NLGN3: variants seen among roughly 807,000 people sequenced by gnomAD.
NLGN3 encodes neuroligin-3.
In NLGN3, 11 loss-of-function variants were observed where a neutral mutation model predicts 42.9. The ratio of observed to expected loss-of-function variants is 0.26; its 90% CI spans 0.16 to 0.42. The LOEUF (loss-of-function observed/expected upper bound fraction) is 0.42. Ranked by LOEUF, NLGN3 falls within the 10% of genes least tolerant of loss-of-function variation. NLGN3 has a pLI of 1.00. For missense variants in NLGN3, 374 were observed against 733.8 expected (o/e 0.51, Z 5.67); for synonymous variants, 279 against 312.7 (o/e 0.89, Z 1.14).
intron 1 of NLGN3, among the ~76,000 whole-genome samples, chrX:71,146,519 T>TG (rs2092371270): frequency 2.7e-5 from 3 of 111,514 alleles, no homozygotes; most frequent in African/African-American, 9.8e-5. Context: ...ACCATTATGC[T>TG]GCATGTGTCT....
In NLGN3 at chrX:71,155,220, G is replaced by T. The variant is rs190164205; in HGVS notation, c.584G>T (p.Arg195Leu). 1 of 1,210,415 alleles carries T rather than the reference G, an allele frequency of 8.3e-7. No homozygotes were observed. Among genetic ancestry groups the T allele is most frequent in the South Asian group, 1.8e-5 (1 of 56,843 alleles). ...TCACCCCTTCTCCTTGCAGACATCC[G>T]GGACAGTGGTGCTAAACCCGTCATG... ...DNDGDEDEDI[R>L]DSGAKPVMVY... Residue 195 changes from arginine to leucine, a missense_variant, in exon 5 of 8, where the codon CGG becomes CTG. By Grantham distance (102) the Arg-to-Leu change is moderately radical. This residue lies in a region of NLGN3 where 109 missense variants were observed against 173.3 expected (regional missense o/e 0.63). Transcript: ENST00000358741.
downstream of NLGN3, among the ~76,000 whole-genome samples, chrX:71,173,309 CAGTG>C (rs1311269045): frequency 9.0e-6 from 1 of 110,907 alleles, no homozygotes; most frequent in Admixed American, 9.6e-5. Context: ...AGGGACCCAT[CAGTG>C]AGAGATTACA....
At chrX:71,154,917 C>T (rs781434308) in intron 4 of NLGN3, among the ~76,000 whole-genome samples, 20 of 112,698 alleles carry the variant, frequency 1.8e-4, no homozygotes, top group Middle Eastern at 9.2e-3. Flanking sequence ...TTTCTGCTGC[C>T]CCCCGCCCCC....
rs2092459998 is a variant in NLGN3 at position 71,168,870 on chromosome X, AGAAAGAAAAGAAAGAG to A, written c.1704-383_1704-368del. On this transcript the variant is annotated intron_variant, in intron 7 of 7. Coordinates refer to ENST00000358741, the MANE Select transcript of NLGN3 (RefSeq NM_181303.2). ...GAAAGAAAGAAAGAAAGAAAGAAAG[AGAAAGAAAAGAAAGAG>A]AAAGAAAGAAAGAAAGAAAAAGAGA... 5.3e-5 allele frequency among the ~76,000 whole-genome samples: 3 copies of A among 56,971 alleles called. No homozygotes were observed. In the African/African-American group the frequency reaches 5.6e-4, roughly 11 times the overall value. The allele number at this position is 56,971 out of a possible 115,157, so 49.5% of individuals were successfully genotyped here. A position where few individuals can be genotyped will look rare whatever the true frequency, so the allele number is the denominator to read the frequency against.
In NLGN3 at chrX:71,147,734, TC is replaced by T; in HGVS notation, c.-11del. 1 of 1,194,371 alleles carries T rather than the reference TC, an allele frequency of 8.4e-7. No homozygotes were observed. The highest frequency in any genetic ancestry group is 1.1e-6 in the Non-Finnish European group (1 of 885,073). ...CCCTGGAGTCTGCCTCTCCTGCCAG[TC>T]CCCCTGCCCGGAACATGTGGCTGCG... On this transcript the variant is annotated 5_prime_UTR_variant, in exon 2 of 8. Transcript: ENST00000358741.
rs749524352 is a variant in NLGN3, at chrX:71,146,572, GTCTC to G, written c.-200-976_-200-973del. Among the ~76,000 whole-genome samples, 7 of 111,633 alleles carry G rather than the reference GTCTC, an allele frequency of 6.3e-5. No individual in the cohort carries two copies. In the South Asian group the frequency reaches 2.3e-3, roughly 36 times the overall value. On this transcript the variant is annotated intron_variant, in intron 1 of 7. Transcript: ENST00000358741. ...GGTATGTGTGATTATATTTCAGTAA[GTCTC>G]TATGTGTGTCTCTGAATGTATCATT...
chrX:71,158,295 G>C (rs2092417059), intron 5 of NLGN3, among the ~76,000 whole-genome samples: 1 of 111,131 alleles, frequency 9.0e-6, no homozygotes, highest in African/African-American at 3.3e-5. Flanking sequence ...ATGTTGGCCA[G>C]GCTGGTCTGG....
intron 5 of NLGN3, among the ~76,000 whole-genome samples, chrX:71,156,365 C>T (rs2092409019): frequency 9.1e-6 from 1 of 109,928 alleles, no homozygotes; most frequent in South Asian, 3.9e-4. Context: ...CACACATATA[C>T]TCTTACCTGT....
rs1429821740 is a variant in NLGN3, at chrX:71,167,154, C to T, written c.1057C>T (p.Arg353Trp). 1 of 1,211,796 alleles carries T rather than the reference C, an allele frequency of 8.3e-7. No individual in the cohort carries two copies. Among genetic ancestry groups the T allele is most frequent in the Non-Finnish European group, 1.1e-6 (1 of 895,521 alleles). Residue 353 changes from arginine to tryptophan, a missense_variant, in exon 7 of 8, where the codon CGG becomes TGG. Transcript: ENST00000358741. ...CACCGTGGATATGGTGGACTGTCTT[C>T]GGCAAAAGAGTGCCAAGGAGCTGGT... ...LDTVDMVDCL[R>W]QKSAKELVEQ...
intron 5 of NLGN3, among the ~76,000 whole-genome samples, chrX:71,162,944 C>T (rs963458208): frequency 1.8e-5 from 2 of 111,809 alleles, no homozygotes; most frequent in African/African-American, 6.5e-5. Context: ...CACAATTACC[C>T]ACCTCCAAAG....
chrX:71,149,321 C>T, intron 3 of NLGN3, among the ~76,000 whole-genome samples: 1 of 110,463 alleles, frequency 9.1e-6, no homozygotes, highest in East Asian at 2.9e-4. Context: ...TCAATTTTCC[C>T]ACCCTGAAGC....
At chrX:71,165,166 C>T (rs1177332400) in intron 6 of NLGN3, among the ~76,000 whole-genome samples, 1 of 111,786 alleles carries the variant, frequency 8.9e-6, no homozygotes, top group African/African-American at 3.3e-5. Context: ...GACATTCTCA[C>T]AGGAAGACTT....
At chrX:71,157,270 G>A (rs2092412604) in intron 5 of NLGN3, among the ~76,000 whole-genome samples, 1 of 106,114 alleles carries the variant, frequency 9.4e-6, no homozygotes, top group Non-Finnish European at 1.9e-5. Context: ...CCACCTCAAG[G>A]GCCTTATTTT....
At chrX:71,146,149 T>TCACA (rs1483489070) in intron 1 of NLGN3, among the ~76,000 whole-genome samples, 12 of 35,812 alleles carry the variant, frequency 3.4e-4, no homozygotes, top group Middle Eastern at 0.015. Context: ...TCTCTCTCTC[T>TCACA]CTCTCACACA....
chrX:71,147,564 G>C lies in NLGN3; in HGVS notation c.-186G>C. The C allele has an allele frequency of 2.1e-6, 1 of 476,106 alleles. No homozygotes were observed. Among genetic ancestry groups the C allele is most frequent in the East Asian group, 3.7e-5 (1 of 27,385 alleles). The allele number at this position is 476,106 out of a possible 1,213,427, so 39.2% of individuals were successfully genotyped here. A position where few individuals can be genotyped will look rare whatever the true frequency, so the allele number is the denominator to read the frequency against. Reference sequence around the variant, plus strand: ...TCTTTCCACAGGCCTGTCTGGCCCTGAGGGAGTCCCCTTTCTGAAGCTGTG... The same window carrying C: ...TCTTTCCACAGGCCTGTCTGGCCCTCAGGGAGTCCCCTTTCTGAAGCTGTG... On this transcript the variant is annotated 5_prime_UTR_variant, in exon 2 of 8. The change abolishes the stop of an existing upstream ORF in the 5' untranslated region. Coordinates refer to ENST00000358741, the MANE Select transcript of NLGN3 (RefSeq NM_181303.2).
At chrX:71,166,380 T>C (rs2092447232) in intron 6 of NLGN3, among the ~76,000 whole-genome samples, 2 of 107,511 alleles carry the variant, frequency 1.9e-5, no homozygotes, top group Non-Finnish European at 3.9e-5. Flanking sequence ...CGCTTGAACC[T>C]GGGAGGCAGA....
Position 71,170,024 on chromosome X carries a change from A to G in NLGN3, c.2474A>G (p.His825Arg). The G allele has an allele frequency of 8.3e-7, 1 of 1,209,505 alleles. No homozygotes were observed. The highest frequency in any genetic ancestry group is 1.8e-5 in the South Asian group (1 of 56,728). The part of the protein sequence containing the change: ...PNSLVGLQTL[H>R]PYNTFAAGFN... Reference sequence around the variant, plus strand: ...TCCCTGGTAGGGCTGCAGACATTGCACCCCTATAACACCTTTGCCGCAGGG... The same window carrying G: ...TCCCTGGTAGGGCTGCAGACATTGCGCCCCTATAACACCTTTGCCGCAGGG... Residue 825 changes from histidine to arginine, a missense_variant, in exon 8 of 8, where the codon CAC becomes CGC. Physicochemically the swap from His to Arg is conservative, Grantham distance 29. Coordinates refer to ENST00000358741, the MANE Select transcript of NLGN3 (RefSeq NM_181303.2).
rs1405079457 is a variant in NLGN3 at position 71,170,926 on chromosome X, T to C, written c.*829T>C. 7.9e-6 allele frequency: 6 copies of C among 754,938 alleles called. No homozygotes were observed. Among genetic ancestry groups the C allele is most frequent in the Non-Finnish European group, 9.4e-6 (6 of 639,443 alleles). 62.2% of individuals were successfully genotyped at this position (754,938 alleles called of 1,213,427 possible). ...CTTAGATTTGGTGAACAACGTACTATGGAAGCCACATCACTATTGGGCCCC... is the reference window on the plus strand; with the variant it reads ...CTTAGATTTGGTGAACAACGTACTACGGAAGCCACATCACTATTGGGCCCC... On this transcript the variant is annotated 3_prime_UTR_variant, in exon 8 of 8. Transcript: ENST00000358741.
downstream of NLGN3, chrX:71,171,588 G>C: frequency 1.8e-6 from 1 of 567,989 alleles, no homozygotes; most frequent in East Asian, 1.7e-4. Flanking sequence ...CCCTCACCTT[G>C]GACTGGGGGC....
Sources: gnomAD v4.1 joint callset for allele counts (sites outside exome capture counted in the v4.1 genomes callset) on GRCh38, gnomAD v4.1.1 for gene constraint, gnomAD v4.1.1 regional missense constraint, MANE v1.5 for transcripts, NCBI Gene and HGNC (gene_info 2026-07-23, HGNC 2026-07-21) for gene names.